Variants in LINC02747 observed in about 807,000 individuals in gnomAD.
The protein encoded by LINC02747 is long independently transcribed non-coding RNA 2747.
chr11:69,476,910 G>C (rs1214664619), exon 2 of LINC02747: 1 of 152,312 alleles, frequency 6.6e-6, no homozygotes, highest in Non-Finnish European at 1.5e-5. Flanking sequence ...GAGCCAGCAA[G>C]GAAGAGGCCA....
chr11:69,476,728 C>G (rs1350086363), exon 2 of LINC02747: 2 of 152,280 alleles, frequency 1.3e-5, no homozygotes, highest in Admixed American at 1.3e-4. Flanking sequence ...GCCCCCGGAG[C>G]CCCGCTGATT....
chr11:69,477,345 C>T (rs889419328), exon 2 of LINC02747: 1 of 152,290 alleles, frequency 6.6e-6, no homozygotes, highest in Non-Finnish European at 1.5e-5. Context: ...CACATGAAGG[C>T]CTCAGATCCT....
chr11:69,478,375 G>A (rs951350511), intron 1 of LINC02747, among the ~76,000 whole-genome samples: 13 of 151,874 alleles, frequency 8.6e-5, no homozygotes, highest in African/African-American at 2.4e-4. Context: ...TTGCACCCCC[G>A]CCTCCACCCC....
exon 2 of LINC02747, chr11:69,477,032 G>C (rs1390335279): frequency 2.6e-5 from 4 of 152,270 alleles, no homozygotes; most frequent in African/African-American, 4.8e-5. Context: ...CTGAGTACCT[G>C]CTGGGACTGA....
chr11:69,479,529 G>C (rs1857028673), intron 1 of LINC02747, among the ~76,000 whole-genome samples: 1 of 152,192 alleles, frequency 6.6e-6, no homozygotes, highest in African/African-American at 2.4e-5. Flanking sequence ...GGGTGCTGCA[G>C]GTGAGGAGAA....
exon 2 of LINC02747, chr11:69,477,149 T>A (rs1857003491): frequency 6.6e-6 from 1 of 152,172 alleles, no homozygotes; most frequent in South Asian, 2.1e-4. Context: ...CAATTCTTAG[T>A]GTGGGAAAGT....
chr11:69,476,159 TC>T (rs1278159170), exon 2 of LINC02747: 1 of 152,060 alleles, frequency 6.6e-6, no homozygotes, highest in Non-Finnish European at 1.5e-5. Flanking sequence ...TGGCCCTTTG[TC>T]ATGTATCTGG....
chr11:69,477,073 T>A (rs1320432931), exon 2 of LINC02747: 6 of 152,240 alleles, frequency 3.9e-5, no homozygotes. Flanking sequence ...CAGAGGGTCT[T>A]GCTGTCTGCA....
At chr11:69,480,939 C>G (rs1857042807) in intron 1 of LINC02747, among the ~76,000 whole-genome samples, 1 of 152,186 alleles carries the variant, frequency 6.6e-6, no homozygotes, top group African/African-American at 2.4e-5. Flanking sequence ...TTGGATCACC[C>G]CAGCACCACC....
At chr11:69,481,073 G>A (rs185389381) in intron 1 of LINC02747, among the ~76,000 whole-genome samples, 3 of 152,338 alleles carry the variant, frequency 2.0e-5, no homozygotes, top group South Asian at 4.1e-4. Flanking sequence ...GCTGCAGACA[G>A]CATGTTTACA....
intron 1 of LINC02747, among the ~76,000 whole-genome samples, chr11:69,478,617 G>A (rs1435549795): frequency 6.6e-6 from 1 of 150,776 alleles, no homozygotes; most frequent in Non-Finnish European, 1.5e-5. Flanking sequence ...CTGAGGTGGG[G>A]AGGATCACCC....
intron 1 of LINC02747, among the ~76,000 whole-genome samples, chr11:69,478,037 G>A (rs929657111): frequency 2.0e-5 from 3 of 152,172 alleles, no homozygotes; most frequent in African/African-American, 4.8e-5. Flanking sequence ...CACTGCCCTG[G>A]ACAAAATGGG....
chr11:69,477,106 C>T (rs1004406714), exon 2 of LINC02747: 1 of 152,236 alleles, frequency 6.6e-6, no homozygotes, highest in Non-Finnish European at 1.5e-5. Context: ...TTCTCAATGC[C>T]TTTCAACCTC....
chr11:69,475,918 C>T (rs571752849), exon 2 of LINC02747: 2 of 152,278 alleles, frequency 1.3e-5, no homozygotes, highest in Non-Finnish European at 2.9e-5. Context: ...AGAATTCAGA[C>T]TCAAGCCCTT....
intron 1 of LINC02747, among the ~76,000 whole-genome samples, chr11:69,478,566 G>A (rs1174795463): frequency 6.6e-6 from 1 of 152,230 alleles, no homozygotes; most frequent in Non-Finnish European, 1.5e-5. Context: ...AATTAGGCTG[G>A]GCGAGGTGGC....
exon 2 of LINC02747, chr11:69,475,766 A>G (rs946788326): frequency 6.6e-6 from 1 of 152,166 alleles, no homozygotes; most frequent in Non-Finnish European, 1.5e-5. Flanking sequence ...GCCTCTTCTT[A>G]TCAGGCCACT....
At chr11:69,479,271 A>AG (rs910348983) in intron 1 of LINC02747, among the ~76,000 whole-genome samples, 5 of 151,268 alleles carry the variant, frequency 3.3e-5, no homozygotes, top group East Asian at 1.9e-4. Context: ...AAAAAAAAAA[A>AG]AAAAAAGAGA....
intron 1 of LINC02747, among the ~76,000 whole-genome samples, chr11:69,478,873 G>T (rs1004009049): frequency 1.3e-5 from 2 of 150,082 alleles, no homozygotes; most frequent in Admixed American, 6.6e-5. Context: ...CTCAAAAAAA[G>T]AAACCAGCAA....
chr11:69,479,152 G>A (rs1160594788), intron 1 of LINC02747, among the ~76,000 whole-genome samples: 2 of 150,286 alleles, frequency 1.3e-5, no homozygotes, highest in Non-Finnish European at 3.0e-5. Flanking sequence ...CTACTCGGGA[G>A]GCTGAGGCAG....
Sources: allele counts gnomAD v4.1 joint callset (sites outside exome capture counted in the v4.1 genomes callset), GRCh38; gene constraint gnomAD v4.1.1; transcripts MANE v1.5; gene names NCBI Gene and HGNC (gene_info 2026-07-23, HGNC 2026-07-21).